IRAG2: variants seen among roughly 807,000 people sequenced by gnomAD.
IRAG2 encodes the protein lymphoid restricted membrane protein.
Under a neutral mutation model 69.9 loss-of-function variants are expected in IRAG2, and 45 were observed. The observed-to-expected ratio is 0.64, with a 90% CI of 0.51 to 0.83. The LOEUF is 0.83. IRAG2 is among the 40% of genes least tolerant of loss of function. IRAG2 has a pLI of 0.00. For synonymous variants in IRAG2, 193 were observed against 202.4 expected (o/e 0.95, Z 0.40); for missense variants, 520 against 587.0 (o/e 0.89, Z 1.18).
At position 25,106,145 on chromosome 12, in the gene IRAG2, T is replaced by C. The variant is rs75609224; in HGVS notation, c.1149-798T>C. The stretch of plus-strand genomic sequence containing the variant: ...GATTTTCAGAGAAAAACTCTGATGT[T>C]ACTCCAAGTTAGCACTGATTGGAAA... On this transcript the variant is annotated intron_variant, in intron 20 of 21. Transcript: ENST00000556887. 1.7e-3 allele frequency among the ~76,000 whole-genome samples: 262 copies of C among 152,092 alleles called. 1 individual carries two copies. Among genetic ancestry groups the C allele is most frequent in the African/African-American group, 5.9e-3 (245 of 41,530 alleles).
intron 10 of IRAG2, among the ~76,000 whole-genome samples, chr12:25,085,894 C>A (rs1371738756): frequency 6.6e-6 from 1 of 152,194 alleles, no homozygotes. Context: ...GGCCTAACTA[C>A]ATTTTTTTTA....
chr12:25,092,872 G>C (rs1948164104), intron 14 of IRAG2: 1 of 159,772 alleles, frequency 6.3e-6, no homozygotes, highest in Non-Finnish European at 1.4e-5. Context: ...AGGGAAGACT[G>C]TTCTCTCCTT....
chr12:25,089,738 A>G (rs371516446), intron 12 of IRAG2, 25 bp from the exon 13 acceptor site: 9 of 1,613,106 alleles, frequency 5.6e-6, no homozygotes, highest in Non-Finnish European at 7.6e-6. Flanking sequence ...TTATGTTTAA[A>G]TATGTTTTTT....
chr12:25,106,973 A>G lies in IRAG2; in HGVS notation c.1179A>G (p.Glu393=), dbSNP rs759781583. 1 of 1,604,106 alleles carries G rather than the reference A, an allele frequency of 6.2e-7. No homozygotes were observed. Among genetic ancestry groups the G allele is most frequent in the Non-Finnish European group, 8.5e-7 (1 of 1,173,850 alleles). The change falls in exon 21 of 22, where the codon GAA becomes GAG. Residue 393 remains glutamate, a synonymous_variant. Transcript: ENST00000556887. ...KTKDDSEPSG[E]ETVERTRKPS... ...AAGATGACTCAGAGCCATCTGGAGA[A>G]GAAACAGTAGAAAGGACAAGGAAGC...
intron 2 of IRAG2, among the ~76,000 whole-genome samples, chr12:25,007,224 A>ATT (rs1280521269): frequency 1.3e-5 from 2 of 152,214 alleles, no homozygotes; most frequent in African/African-American, 4.8e-5. Flanking sequence ...AGATCATAGT[A>ATT]TTTCATCCAC....
chr12:25,024,976 C>G (rs16928351), intron 8 of IRAG2, among the ~76,000 whole-genome samples: 16,085 of 152,208 alleles, frequency 0.11, 983 homozygotes, highest in East Asian at 0.23. Flanking sequence ...AGTGTTGTCA[C>G]TAGCTAAGAT....
upstream of IRAG2, among the ~76,000 whole-genome samples, chr12:25,003,133 C>T (rs1944404489): frequency 6.6e-6 from 1 of 152,040 alleles, no homozygotes. Context: ...CCCAGTAATT[C>T]TAGATACCCC....
chr12:25,029,410 A>T (rs1315342512), intron 9 of IRAG2, among the ~76,000 whole-genome samples: 1 of 152,216 alleles, frequency 6.6e-6, no homozygotes, highest in Non-Finnish European at 1.5e-5. Flanking sequence ...AATGGATGTG[A>T]TGTTTGTACC....
intron 17 of IRAG2, 54 bp downstream of exon 17, chr12:25,102,295 A>C: frequency 1.4e-6 from 2 of 1,445,202 alleles, no homozygotes; most frequent in East Asian, 4.6e-5. Flanking sequence ...GACGGTTTTA[A>C]AATGTTATTT....
At position 25,020,952 on chromosome 12, in the gene IRAG2, A is replaced by G. The variant is rs900945204; in HGVS notation, c.1332+45A>G. 7 of 961,690 alleles carry G rather than the reference A, an allele frequency of 7.3e-6. No homozygotes were observed. In the South Asian group the frequency reaches 1.6e-4, roughly 22 times the overall value. 59.6% of individuals were successfully genotyped at this position (961,690 alleles called of 1,614,324 possible). ...ACTTTGAATTTGGCGTATAATTTAC[A>G]TAACTGAAATATACAAGAGGACTTA... On this transcript the variant is annotated intron_variant, in intron 7 of 38. Transcript: ENST00000636465.
chr12:25,001,321 T>G (rs558906118), upstream of IRAG2, among the ~76,000 whole-genome samples: 5 of 152,178 alleles, frequency 3.3e-5, no homozygotes, highest in East Asian at 9.6e-4. Flanking sequence ...GGTGCACGCC[T>G]GTGGTCCCAG....
At chr12:25,027,392 T>C (rs1315077958) in intron 9 of IRAG2, among the ~76,000 whole-genome samples, 1 of 141,998 alleles carries the variant, frequency 7.0e-6, no homozygotes, top group African/African-American at 2.5e-5. Flanking sequence ...CTACCTCTTT[T>C]TTTTTCTTTT....
chr12:25,103,839 A>T lies in IRAG2; in HGVS notation c.936A>T (p.Pro312=). The change falls in exon 18 of 22, where the codon CCA becomes CCT. Residue 312 remains proline, a splice_region_variant and synonymous_variant. Transcript: ENST00000556887. ...GTACATTTTCCTCCTTCTGGTAGCCATCTTCTCTACGAAGAGTGACTATTG... is the reference window on the plus strand; with the variant it reads ...GTACATTTTCCTCCTTCTGGTAGCCTTCTTCTCTACGAAGAGTGACTATTG... ...KKRSASLNSK[P]SSLRRVTIAS... The T allele has an allele frequency of 1.2e-6, 2 of 1,610,348 alleles. No individual in the cohort carries two copies. Among genetic ancestry groups the T allele is most frequent in the Non-Finnish European group, 1.7e-6 (2 of 1,177,044 alleles).
intron 16 of IRAG2, chr12:25,101,924 A>G (rs185039382): frequency 1.2e-4 from 74 of 633,040 alleles, no homozygotes; most frequent in Non-Finnish European, 2.0e-4. Context: ...GTACTTTTGG[A>G]TTCCTTTCTC....
intron 6 of IRAG2, among the ~76,000 whole-genome samples, chr12:25,072,074 A>C (rs950726686): frequency 1.5e-4 from 23 of 152,070 alleles, no homozygotes; most frequent in Admixed American, 5.9e-4. Flanking sequence ...GCATGGTGGC[A>C]GGCGCCTGTA....
In IRAG2 at chr12:25,108,314, TAAAG is replaced by T. The variant is rs1406470079; in HGVS notation, c.*257_*260del. 5.5e-6 allele frequency: 3 copies of T among 544,758 alleles called. No individual in the cohort carries two copies. The highest frequency in any genetic ancestry group is 6.0e-5 in the East Asian group (2 of 33,580). The allele number at this position is 544,758 out of a possible 1,614,324, so 33.7% of individuals were successfully genotyped here. ...TATTGTTTGTTAAAGTTTATTGAAATAAAGAATCATTTAAATCTTCATAGAGTGA... is the reference window on the plus strand; with the variant it reads ...TATTGTTTGTTAAAGTTTATTGAAATAATCATTTAAATCTTCATAGAGTGA... On this transcript the variant is annotated 3_prime_UTR_variant, in exon 22 of 22. Coordinates refer to ENST00000556887, the MANE Select transcript of IRAG2 (RefSeq NM_001366544.2).
At chr12:25,099,014 T>C (rs1178457349) in intron 15 of IRAG2, among the ~76,000 whole-genome samples, 1 of 152,178 alleles carries the variant, frequency 6.6e-6, no homozygotes, top group African/African-American at 2.4e-5. Flanking sequence ...CCTTCTAGGC[T>C]TCCTGCAGTT....
At chr12:25,072,621 A>G (rs966533928) in intron 6 of IRAG2, among the ~76,000 whole-genome samples, 4 of 152,336 alleles carry the variant, frequency 2.6e-5, no homozygotes, top group Admixed American at 2.6e-4. Context: ...TTAAAAACAT[A>G]ATATATGTTT....
chr12:25,010,352 C>T (rs1444857745), intron 2 of IRAG2, among the ~76,000 whole-genome samples: 1 of 152,096 alleles, frequency 6.6e-6, no homozygotes, highest in Non-Finnish European at 1.5e-5. Flanking sequence ...TGGCACATGC[C>T]TGTAGTCCCA....
Sources: allele counts gnomAD v4.1 joint callset (sites outside exome capture counted in the v4.1 genomes callset), GRCh38; gene constraint gnomAD v4.1.1; transcripts MANE v1.5; gene names NCBI Gene and HGNC (gene_info 2026-07-23, HGNC 2026-07-21).